Variants in ANK3 observed in about 807,000 individuals in gnomAD.
The protein encoded by ANK3 is ankyrin-3.
A neutral mutation model predicts 370.9 loss-of-function variants in ANK3; 57 were observed. The ratio of observed to expected loss-of-function variants is 0.15; its 90% CI spans 0.12 to 0.19. ANK3 has a LOEUF of 0.19. Among genes scored for constraint, ANK3 ranks in the 10% least tolerant of loss-of-function variants. The probability of loss-of-function intolerance (pLI) is 1.00; values close to 1 mark genes in which losing one functional copy is unlikely to be tolerated. For missense variants in ANK3, 4,439 were observed against 5,302.1 expected (o/e 0.84, Z 5.06); for synonymous variants, 1,929 against 1,946.3 (o/e 0.99, Z 0.23).
At chr10:60,672,851 C>A (rs1402134287) in intron 1 of ANK3, among the ~76,000 whole-genome samples, 1 of 152,144 alleles carries the variant, frequency 6.6e-6, no homozygotes, top group Non-Finnish European at 1.5e-5. Context: ...CTACTCGAGG[C>A]AAGCAGTGTC....
At chr10:60,434,114 C>A (rs779962461) in intron 2 of ANK3, among the ~76,000 whole-genome samples, 1 of 152,130 alleles carries the variant, frequency 6.6e-6, no homozygotes, top group Admixed American at 6.5e-5. Flanking sequence ...TAAGGAAGTC[C>A]TTGATTAAAC....
intron 2 of ANK3, among the ~76,000 whole-genome samples, chr10:60,606,575 A>G (rs1266206341): frequency 1.3e-5 from 2 of 152,198 alleles, no homozygotes; most frequent in Non-Finnish European, 2.9e-5. Flanking sequence ...AAACCTTGCT[A>G]TGCTTGTACT....
chr10:60,121,879 T>C (rs1322130290), intron 25 of ANK3, among the ~76,000 whole-genome samples: 1 of 152,198 alleles, frequency 6.6e-6, no homozygotes, highest in Non-Finnish European at 1.5e-5. Context: ...ACTGCATGCC[T>C]GTATAAAAAT....
At position 60,594,387 on chromosome 10, in the gene ANK3, G is replaced by T. The variant is rs557590311; in HGVS notation, c.96+20799C>A. On this transcript the variant is annotated intron_variant, in intron 2 of 43. Coordinates refer to the ANK3 transcript ENST00000373827. ...AGTGTATGCTACTTGGTCCTTCTGG[G>T]GCTTTCTCTAAAAATAATACATTTT... 2.0e-5 allele frequency among the ~76,000 whole-genome samples: 3 copies of T among 152,062 alleles called. No homozygotes were observed. In the East Asian group the frequency reaches 5.8e-4, roughly 29 times the overall value.
intron 2 of ANK3, among the ~76,000 whole-genome samples, chr10:60,451,529 G>A (rs2064602197): frequency 6.6e-6 from 1 of 152,170 alleles, no homozygotes; most frequent in African/African-American, 2.4e-5. Flanking sequence ...AAGTGTAGAA[G>A]CTACATTAGG....
intron 2 of ANK3, among the ~76,000 whole-genome samples, chr10:60,496,525 T>A (rs2075659671): frequency 6.6e-6 from 1 of 151,802 alleles, no homozygotes; most frequent in Non-Finnish European, 1.5e-5. Flanking sequence ...TACATAACAT[T>A]TCGTCTCTGG....
At chr10:60,417,506 C>T (rs2063693034) in intron 2 of ANK3, among the ~76,000 whole-genome samples, 1 of 152,138 alleles carries the variant, frequency 6.6e-6, no homozygotes, top group Non-Finnish European at 1.5e-5. Context: ...GTCCTGATCT[C>T]AGAAACAGAT....
At chr10:60,562,679 G>T (rs760412150) in intron 2 of ANK3, among the ~76,000 whole-genome samples, 3 of 152,106 alleles carry the variant, frequency 2.0e-5, no homozygotes, top group Non-Finnish European at 2.9e-5. Context: ...AGAGACAAAG[G>T]TTGTAAAATC....
At chr10:60,388,339 GT>G (rs1239972261) in intron 1 of ANK3, among the ~76,000 whole-genome samples, 1 of 152,094 alleles carries the variant, frequency 6.6e-6, no homozygotes, top group Non-Finnish European at 1.5e-5. Flanking sequence ...AATGGCAAAG[GT>G]ACCAGGAATA....
chr10:60,526,869 C>T (rs551402313), intron 2 of ANK3, among the ~76,000 whole-genome samples: 2 of 152,062 alleles, frequency 1.3e-5, no homozygotes, highest in Non-Finnish European at 2.9e-5. Flanking sequence ...TAGTGAGTCT[C>T]CAAACCCCAA....
At chr10:60,356,262 C>A (rs1214912556) in intron 1 of ANK3, among the ~76,000 whole-genome samples, 3 of 152,198 alleles carry the variant, frequency 2.0e-5, no homozygotes, top group Non-Finnish European at 2.9e-5. Flanking sequence ...AATTTGAGTT[C>A]TGAGTTCACA....
At position 60,673,460 on chromosome 10, in the gene ANK3, C is replaced by T. The variant is rs191942495; in HGVS notation, c.58-58236G>A. On this transcript the variant is annotated intron_variant, in intron 1 of 43. Transcript: ENST00000373827. ...CTGCCTCCCAGGTTCAAACTATTCT[C>T]CTGCCTCAGCCTCCCGAGTAGCTGG... Among the ~76,000 whole-genome samples, 421 of 152,222 alleles carry T rather than the reference C, an allele frequency of 2.8e-3. 1 individual carries two copies. The highest frequency in any genetic ancestry group is 9.8e-3 in the African/African-American group (409 of 41,540).
intron 1 of ANK3, among the ~76,000 whole-genome samples, chr10:60,660,959 A>G (rs2133372170): frequency 6.6e-6 from 1 of 152,056 alleles, no homozygotes; most frequent in Non-Finnish European, 1.5e-5. Flanking sequence ...GACATAACAC[A>G]TAATGTACAA....
chr10:60,294,739 A>G (rs996140972), intron 1 of ANK3, among the ~76,000 whole-genome samples: 18 of 152,220 alleles, frequency 1.2e-4, no homozygotes, highest in African/African-American at 4.1e-4. Context: ...ATAGATAGAT[A>G]GACTGATTTG....
chr10:60,360,228 G>C (rs1410647861), intron 1 of ANK3, among the ~76,000 whole-genome samples: 2 of 152,154 alleles, frequency 1.3e-5, no homozygotes, highest in Non-Finnish European at 2.9e-5. Context: ...TGCCTGTTTT[G>C]ACCAAAATCT....
In ANK3 at chr10:60,586,913, C is replaced by T. The variant is rs1307833519; in HGVS notation, c.96+28273G>A. ...GTAAGATAAAAGGCTTCTGGGTCTGCAAATTACTGCATGGAAGACTGTCTG... is the reference window on the plus strand; with the variant it reads ...GTAAGATAAAAGGCTTCTGGGTCTGTAAATTACTGCATGGAAGACTGTCTG... On this transcript the variant is annotated intron_variant, in intron 2 of 43. Transcript: ENST00000373827. 3.3e-5 allele frequency among the ~76,000 whole-genome samples: 5 copies of T among 152,128 alleles called. No homozygotes were observed. In the East Asian group the frequency reaches 7.7e-4, roughly 23 times the overall value.
intron 1 of ANK3, among the ~76,000 whole-genome samples, chr10:60,656,407 A>T (rs2078864495): frequency 6.6e-6 from 1 of 151,654 alleles, no homozygotes; most frequent in African/African-American, 2.4e-5. Flanking sequence ...TTTTTAAATC[A>T]GTCTAGTTAG....
Position 60,070,480 on chromosome 10 carries a change from G to A in ANK3, c.10401C>T (p.Ile3467=), listed in dbSNP as rs200592890. ...CTGGTCCCACCTTTCCCTCCTCCTCGATAACTTCAAGTTTACTTTGGCTAA... is the reference window on the plus strand; with the variant it reads ...CTGGTCCCACCTTTCCCTCCTCCTCAATAACTTCAAGTTTACTTTGGCTAA... The part of the protein sequence containing the change: ...RSFSQSKLEV[I]EEEGKVGPDE... Residue 3467 remains isoleucine (I), a synonymous_variant, in exon 37 of 44, where the codon ATC becomes ATT. Transcript: ENST00000280772. This position sits in a 1 kb window ranked among gnomAD's most constrained non-coding sequence, Gnocchi z 5.7. The A allele has an allele frequency of 9.3e-6, 15 of 1,613,904 alleles. No individual in the cohort carries two copies. In the East Asian group the frequency reaches 2.0e-4, roughly 22 times the overall value.
chr10:60,339,643 C>T (rs1253646751), intron 1 of ANK3, among the ~76,000 whole-genome samples: 2 of 152,182 alleles, frequency 1.3e-5, no homozygotes, highest in Non-Finnish European at 2.9e-5. Context: ...ATGTATCTTA[C>T]ACTGTTTTTG....
Sources: gnomAD v4.1 joint callset for allele counts (sites outside exome capture counted in the v4.1 genomes callset) on GRCh38, gnomAD v4.1.1 for gene constraint, Gnocchi (gnomAD v3.1) non-coding constraint, MANE v1.5 for transcripts, NCBI Gene and HGNC (gene_info 2026-07-23, HGNC 2026-07-21) for gene names.